Variants in ACSM1 observed in about 807,000 individuals in gnomAD.
ACSM1 encodes acyl-coenzyme A synthetase ACSM1, mitochondrial.
ACSM1 carries 79 observed loss-of-function variants against 75.8 expected under a neutral mutation model. That is an observed-to-expected ratio of 1.04 (90% CI 0.87 to 1.26). ACSM1 has a LOEUF of 1.26. ACSM1 is among the 50% of genes most tolerant of loss of function. The pLI is 0.00. For missense variants in ACSM1, 676 were observed against 720.1 expected (o/e 0.94, Z 0.70); for synonymous variants, 279 against 265.8 (o/e 1.05, Z -0.48).
intron 7 of ACSM1, among the ~76,000 whole-genome samples, chr16:20,661,528 C>A (rs1475756171): frequency 1.3e-5 from 2 of 152,082 alleles, no homozygotes; most frequent in Admixed American, 1.3e-4. Flanking sequence ...CTGTAAATTT[C>A]TGTCTTATGC....
At chr16:20,684,779 T>C (rs1308845088) in intron 3 of ACSM1, among the ~76,000 whole-genome samples, 1 of 152,016 alleles carries the variant, frequency 6.6e-6, no homozygotes, top group Non-Finnish European at 1.5e-5. Context: ...TGCTCAAATA[T>C]GGAAAAACAT....
chr16:20,637,250 G>GATAAAA (rs5816131), intron 9 of ACSM1, 121 bp downstream of exon 9: 29 of 860,822 alleles, frequency 3.4e-5, no homozygotes, highest in South Asian at 1.6e-4. Flanking sequence ...AGGGATAAAT[G>GATAAAA]AGAAGAGAGG....
intron 4 of ACSM1, among the ~76,000 whole-genome samples, chr16:20,675,206 C>T (rs1008299227): frequency 2.6e-5 from 4 of 151,942 alleles, no homozygotes; most frequent in South Asian, 2.1e-4. Flanking sequence ...TAGGCTCACC[C>T]GGGACACGAG....
At chr16:20,652,755 T>C (rs867856487) in intron 7 of ACSM1, among the ~76,000 whole-genome samples, 15 of 152,202 alleles carry the variant, frequency 9.9e-5, no homozygotes, top group Middle Eastern at 6.8e-3. Context: ...ATTGAGGCAA[T>C]AAATAATAGC....
In ACSM1 at chr16:20,693,488, G is replaced by A. The variant is rs150403604; in HGVS notation, c.-51-2249C>T. The stretch of plus-strand genomic sequence containing the variant: ...TTTCTCAAACAGCTTTGAGATTGAA[G>A]CACTTTATCATCATGAACATTTAAG... On this transcript the variant is annotated intron_variant, in intron 1 of 13. Coordinates refer to ENST00000520010, the MANE Select transcript of ACSM1 (RefSeq NM_001318890.3). Among the ~76,000 whole-genome samples, 3 of 152,302 alleles carry A rather than the reference G, an allele frequency of 2.0e-5. No individual in the cohort carries two copies. The East Asian group carries it at 5.8e-4, about 29-fold the overall frequency.
At chr16:20,654,279 C>T (rs1490735659) in intron 7 of ACSM1, among the ~76,000 whole-genome samples, 1 of 152,144 alleles carries the variant, frequency 6.6e-6, no homozygotes. Context: ...AAATGTTAGA[C>T]CTAAAACCAT....
At chr16:20,672,445 T>C (rs1193708114) in intron 4 of ACSM1, among the ~76,000 whole-genome samples, 1 of 20,148 alleles carries the variant, frequency 5.0e-5, no homozygotes, top group Non-Finnish European at 6.9e-5. Context: ...CAAAACTCCA[T>C]CTCAAAAAAA....
chr16:20,651,889 T>A (rs1381797131), intron 7 of ACSM1, among the ~76,000 whole-genome samples: 1 of 152,178 alleles, frequency 6.6e-6, no homozygotes, highest in Non-Finnish European at 1.5e-5. Context: ...TTTTTGCATC[T>A]ATTGATCAAA....
intron 11 of ACSM1, among the ~76,000 whole-genome samples, chr16:20,626,220 T>C (rs1034179202): frequency 2.6e-5 from 4 of 152,062 alleles, no homozygotes; most frequent in African/African-American, 9.7e-5. Flanking sequence ...ACCCCATCTC[T>C]ACTAAAAGTA....
rs1596797030 is a variant in ACSM1 at position 20,633,913 on chromosome 16, A to G, written c.1299+2826T>C. ...AGTCTTGCAATCTGGCCTCAAAAAT[A>G]AAAGGAAATAAAAATTTTTGAAAAA... On this transcript the variant is annotated intron_variant, in intron 10 of 13. Coordinates refer to ENST00000520010, the MANE Select transcript of ACSM1 (RefSeq NM_001318890.3). 2.0e-5 allele frequency among the ~76,000 whole-genome samples: 3 copies of G among 152,256 alleles called. No homozygotes were observed. In the South Asian group the frequency reaches 6.2e-4, roughly 32 times the overall value.
At chr16:20,639,429 C>A (rs533316945) in intron 8 of ACSM1, among the ~76,000 whole-genome samples, 10 of 152,146 alleles carry the variant, frequency 6.6e-5, no homozygotes, top group African/African-American at 2.4e-4. Context: ...GCCTCTGCAG[C>A]CCTAGGGAGG....
chr16:20,624,681 TAGA>T (rs1206140859), intron 12 of ACSM1, among the ~76,000 whole-genome samples: 2 of 152,180 alleles, frequency 1.3e-5, no homozygotes, highest in Admixed American at 6.5e-5. Context: ...GTCTCACATA[TAGA>T]AGGTGATTAA....
intron 2 of ACSM1, among the ~76,000 whole-genome samples, chr16:20,688,823 T>A (rs1441999002): frequency 6.6e-6 from 1 of 151,738 alleles, no homozygotes. Flanking sequence ...AATATGAAAA[T>A]GTAAAGTTCT....
intron 1 of ACSM1, among the ~76,000 whole-genome samples, chr16:20,695,674 A>G (rs1461722884): frequency 7.0e-6 from 1 of 142,618 alleles, no homozygotes; most frequent in African/African-American, 2.6e-5. Flanking sequence ...TTTTCTATCT[A>G]TCTATCATCT....
intron 10 of ACSM1, among the ~76,000 whole-genome samples, chr16:20,631,049 C>G (rs572970776): frequency 6.6e-6 from 1 of 152,340 alleles, no homozygotes; most frequent in African/African-American, 2.4e-5. Context: ...AATTTACACA[C>G]ATACTGTCTT....
chr16:20,677,027 G>A (rs1296153754), intron 4 of ACSM1, among the ~76,000 whole-genome samples: 1 of 151,886 alleles, frequency 6.6e-6, no homozygotes, highest in Admixed American at 6.6e-5. Flanking sequence ...GAGGAAAGAT[G>A]GCTTAGTAGT....
intron 7 of ACSM1, among the ~76,000 whole-genome samples, chr16:20,655,851 T>C (rs1278259497): frequency 2.0e-5 from 3 of 152,104 alleles, no homozygotes; most frequent in Non-Finnish European, 2.9e-5. Context: ...TTAGTAGACA[T>C]GGAGTTTCAT....
rs528554266 is a variant in ACSM1 at position 20,649,170 on chromosome 16, GCT to G, written c.993-8588_993-8587del. On this transcript the variant is annotated intron_variant, in intron 7 of 13. Coordinates refer to ENST00000520010, the MANE Select transcript of ACSM1 (RefSeq NM_001318890.3). ...ACAGAATGTTGGTAGTGAGGACAAA[GCT>G]CTGTTTTATTTTATTTTATTTTATT... is the stretch of plus-strand genomic sequence containing the variant. Among the ~76,000 whole-genome samples, 301 of 130,394 alleles carry G rather than the reference GCT, an allele frequency of 2.3e-3. 1 individual carries two copies. The highest frequency in any genetic ancestry group is 0.016 in the East Asian group (44 of 2,820). The allele number at this position is 130,394 out of a possible 152,430, so 85.5% of individuals were successfully genotyped here.
rs1172655117 is a variant in ACSM1 at position 20,624,025 on chromosome 16, A to G, written c.1647+71T>C. On this transcript the variant is annotated intron_variant, in intron 13 of 13. Transcript: ENST00000520010. ...TTGTTTGGGGCTGTTTGTTACCTCC[A>G]GTGATACCTAGCCCGTCCTAGCAGG... The G allele has an allele frequency of 1.1e-5, 18 of 1,587,852 alleles. No individual in the cohort carries two copies. The South Asian group carries it at 2.0e-4, about 18-fold the overall frequency.
Sources: gnomAD v4.1 joint callset for allele counts (sites outside exome capture counted in the v4.1 genomes callset) on GRCh38, gnomAD v4.1.1 for gene constraint, MANE v1.5 for transcripts, NCBI Gene and HGNC (gene_info 2026-07-23, HGNC 2026-07-21) for gene names.